Variants in CYP3A43 observed in about 807,000 individuals in gnomAD.
CYP3A43 encodes the protein cytochrome P450 family 3 subfamily A member 43, also known as cytochrome P450 3A43.
In CYP3A43, 45 loss-of-function variants were observed where a neutral mutation model predicts 58.0. The ratio of observed to expected loss-of-function variants is 0.78; its 90% CI spans 0.61 to 0.99. The LOEUF is 0.99. CYP3A43 is among the 50% of genes least tolerant of loss of function. The pLI is 0.00. For missense variants in CYP3A43, 593 were observed against 591.9 expected (o/e 1.00, Z -0.02); for synonymous variants, 191 against 201.4 (o/e 0.95, Z 0.44).
At chr7:99,847,716 A>G (rs992572761) in intron 5 of CYP3A43, 115 bp downstream of exon 5, 47 of 1,528,642 alleles carry the variant, frequency 3.1e-5, no homozygotes, top group Non-Finnish European at 3.4e-5. Flanking sequence ...GAGCTTTCTA[A>G]AAAGGGTCTT....
chr7:99,850,488 T>C (rs1029797297), intron 7 of CYP3A43, among the ~76,000 whole-genome samples: 4 of 151,712 alleles, frequency 2.6e-5, no homozygotes, highest in African/African-American at 9.7e-5. Context: ...TCTCGATCTC[T>C]TGACCTTGTG....
chr7:99,837,332 A>AAG (rs1177948398), intron 2 of CYP3A43, among the ~76,000 whole-genome samples: 7 of 150,292 alleles, frequency 4.7e-5, no homozygotes, highest in African/African-American at 1.7e-4. Flanking sequence ...AAAAAAAAAA[A>AAG]AAAGAAAAGA....
intron 1 of CYP3A43, among the ~76,000 whole-genome samples, chr7:99,829,044 G>A (rs1816735547): frequency 6.6e-6 from 1 of 152,164 alleles, no homozygotes; most frequent in African/African-American, 2.4e-5. Context: ...CCTATCAGAA[G>A]CCACTCCCTA....
At chr7:99,854,326 C>T (rs1275417934) in intron 7 of CYP3A43, among the ~76,000 whole-genome samples, 1 of 151,656 alleles carries the variant, frequency 6.6e-6, no homozygotes, top group Non-Finnish European at 1.5e-5. Context: ...CCTTTCTCAC[C>T]CTCCTGAGTA....
intron 5 of CYP3A43, chr7:99,847,915 G>A (rs1817598339): frequency 7.4e-6 from 4 of 540,220 alleles, no homozygotes; most frequent in South Asian, 4.2e-5. Flanking sequence ...AGAAGGCTAA[G>A]GCAGAAGAAT....
chr7:99,856,272 A>G (rs999448850), intron 8 of CYP3A43, among the ~76,000 whole-genome samples: 1 of 152,122 alleles, frequency 6.6e-6, no homozygotes, highest in African/African-American at 2.4e-5. Context: ...GACTGATCCA[A>G]CTTTGCCTTT....
chr7:99,843,906 ACT>A (rs1817438421), intron 3 of CYP3A43, among the ~76,000 whole-genome samples: 3 of 151,992 alleles, frequency 2.0e-5, no homozygotes, highest in South Asian at 4.2e-4. Context: ...TCTTTCAATG[ACT>A]CTTTCCTGTT....
chr7:99,856,298 C>T (rs1817979129), intron 8 of CYP3A43, among the ~76,000 whole-genome samples: 1 of 152,126 alleles, frequency 6.6e-6, no homozygotes, highest in East Asian at 1.9e-4. Flanking sequence ...CCCTGGAGAC[C>T]AGCCCGATGA....
At chr7:99,841,775 G>A (rs58281576) in intron 3 of CYP3A43, among the ~76,000 whole-genome samples, 5,516 of 152,164 alleles carry the variant, frequency 0.036, 145 homozygotes, top group Non-Finnish European at 0.054. Flanking sequence ...GCTCACTGTA[G>A]CCTCTGCCTC....
intron 1 of CYP3A43, among the ~76,000 whole-genome samples, chr7:99,831,683 G>C (rs1584192372): frequency 6.6e-6 from 1 of 152,154 alleles, no homozygotes; most frequent in Non-Finnish European, 1.5e-5. Flanking sequence ...GCCATAAGGA[G>C]CACCAGACTT....
Position 99,853,602 on chromosome 7 carries a change from G to T in CYP3A43, c.671-1989G>T, listed in dbSNP as rs370956339. ...ATGGACTTTTGCTCTTGCCGCTCAG[G>T]CTGGAGTGCAATGGCACGATGTTGG... On this transcript the variant is annotated intron_variant, in intron 7 of 12. Transcript: ENST00000354829. 5.9e-5 allele frequency among the ~76,000 whole-genome samples: 9 copies of T among 152,146 alleles called. 1 individual carries two copies. Among genetic ancestry groups the T allele is most frequent in the African/African-American group, 2.2e-4 (9 of 41,508 alleles).
Position 99,864,287 on chromosome 7 carries a change from T to A in CYP3A43, c.1416+588T>A, listed in dbSNP as rs988877473. Among the ~76,000 whole-genome samples the A allele has an allele frequency of 2.0e-5, 3 of 148,984 alleles. 1 individual carries two copies. The South Asian group carries it at 6.2e-4, about 31-fold the overall frequency. ...ACTAATTTAAGGCATTTCTGCCAGA[T>A]AGAAAAGATACTTACAGTCCAAGGC... On this transcript the variant is annotated intron_variant, in intron 12 of 12. Coordinates refer to ENST00000354829, the MANE Select transcript of CYP3A43 (RefSeq NM_057095.3).
chr7:99,862,984 C>T (rs145340304), intron 11 of CYP3A43, among the ~76,000 whole-genome samples: 15 of 152,254 alleles, frequency 9.9e-5, no homozygotes, highest in Admixed American at 7.8e-4. Context: ...AAGTGGTTAC[C>T]GTGTGTCAGG....
At chr7:99,863,444 C>G in intron 11 of CYP3A43, 93 bp from the exon 12 acceptor site, 1 of 1,067,670 alleles carries the variant, frequency 9.4e-7, no homozygotes, top group South Asian at 2.6e-5. Flanking sequence ...AGGAGGTCCT[C>G]GCCTCCCAAA....
At chr7:99,829,115 A>G (rs1432035822) in intron 1 of CYP3A43, among the ~76,000 whole-genome samples, 1 of 152,148 alleles carries the variant, frequency 6.6e-6, no homozygotes, top group African/African-American at 2.4e-5. Context: ...AGTCTCATAT[A>G]TTGTGGGCCT....
chr7:99,854,398 G>A (rs1412552338), intron 7 of CYP3A43, among the ~76,000 whole-genome samples: 1 of 151,726 alleles, frequency 6.6e-6, no homozygotes, highest in Non-Finnish European at 1.5e-5. Context: ...GTAGGGACGG[G>A]GTTTTGCCAT....
intron 7 of CYP3A43, among the ~76,000 whole-genome samples, chr7:99,852,093 T>G (rs1176217939): frequency 6.6e-6 from 1 of 152,224 alleles, no homozygotes; most frequent in African/African-American, 2.4e-5. Context: ...GACACCTTCC[T>G]CAAAATTCAG....
intron 12 of CYP3A43, 133 bp from the exon 13 acceptor site, chr7:99,865,773 C>T (rs1818420149): frequency 1.9e-6 from 1 of 534,790 alleles, no homozygotes; most frequent in Non-Finnish European, 3.2e-6. Flanking sequence ...AATAAACCAA[C>T]ATGTATGGTG....
rs1263879730 is a variant in CYP3A43, at chr7:99,861,848, C to T, written c.1253+9C>T. The T allele has an allele frequency of 2.5e-6, 4 of 1,598,864 alleles. No individual in the cohort carries two copies. In the African/African-American group the frequency reaches 4.0e-5, roughly 16 times the overall value. Reference sequence around the variant, plus strand: ...AAGTTCTGCCCTGAAAGGTACAAGGCCCCTGGGAAAGGAGCCTTCCCTCAA... The same window carrying T: ...AAGTTCTGCCCTGAAAGGTACAAGGTCCCTGGGAAAGGAGCCTTCCCTCAA... On this transcript the variant is annotated intron_variant, in intron 11 of 12. Transcript: ENST00000354829.
Sources: gnomAD v4.1 joint callset for allele counts (sites outside exome capture counted in the v4.1 genomes callset) on GRCh38, gnomAD v4.1.1 for gene constraint, MANE v1.5 for transcripts, NCBI Gene and HGNC (gene_info 2026-07-23, HGNC 2026-07-21) for gene names.